The following POLR3B variants were observed in gnomAD, a reference collection of about 807,000 sequenced individuals.
POLR3B encodes DNA-directed RNA polymerase III subunit RPC2.
In POLR3B, 96 loss-of-function variants were observed where a neutral mutation model predicts 147.4. The ratio of observed to expected loss-of-function variants is 0.65; its 90% confidence interval spans 0.55 to 0.77. POLR3B has a LOEUF of 0.77. Among genes scored for constraint, POLR3B ranks in the 30% least tolerant of loss-of-function variants. POLR3B has a pLI of 0.00. For synonymous variants in POLR3B, 461 were observed against 485.9 expected (o/e 0.95, Z 0.67); for missense variants, 1,036 against 1,413.5 (o/e 0.73, Z 4.28).
At chr12:106,485,749 A>T (rs2038328970) in intron 23 of POLR3B, among the ~76,000 whole-genome samples, 1 of 152,114 alleles carries the variant, frequency 6.6e-6, no homozygotes, top group African/African-American at 2.4e-5. Context: ...AGAGGTTGAG[A>T]GTTTGGGCCT....
chr12:106,405,580 A>ACACACACACACACACACACAC (rs2037140566), intron 10 of POLR3B, among the ~76,000 whole-genome samples: 2 of 150,056 alleles, frequency 1.3e-5, no homozygotes, highest in Non-Finnish European at 1.5e-5. Context: ...ACACACACAC[A>ACACACACACACACACACACAC]AATATATTTT....
intron 2 of POLR3B, among the ~76,000 whole-genome samples, chr12:106,364,796 A>G (rs1042854889): frequency 6.6e-5 from 10 of 152,236 alleles, no homozygotes; most frequent in Non-Finnish European, 1.3e-4. Context: ...ACCCGCTGCA[A>G]CATGGACGAA....
intron 12 of POLR3B, among the ~76,000 whole-genome samples, chr12:106,420,024 G>A (rs1304477501): frequency 6.6e-6 from 1 of 152,034 alleles, no homozygotes; most frequent in African/African-American, 2.4e-5. Context: ...AGGTTGGTGG[G>A]AAGGGCTGGA....
intron 13 of POLR3B, among the ~76,000 whole-genome samples, chr12:106,429,708 A>G (rs1457050889): frequency 1.3e-5 from 2 of 152,182 alleles, no homozygotes; most frequent in Non-Finnish European, 2.9e-5. Context: ...ATATGAATAT[A>G]TGTACTATTT....
At chr12:106,451,109 A>G (rs952657418) in intron 19 of POLR3B, among the ~76,000 whole-genome samples, 2 of 152,164 alleles carry the variant, frequency 1.3e-5, no homozygotes, top group African/African-American at 4.8e-5. Context: ...AGAAAATGCA[A>G]ACTAATCTGT....
At chr12:106,482,345 A>G (rs1345057565) in intron 23 of POLR3B, among the ~76,000 whole-genome samples, 1 of 152,214 alleles carries the variant, frequency 6.6e-6, no homozygotes, top group African/African-American at 2.4e-5. Flanking sequence ...CTATAAAGAA[A>G]TACCTCAGAC....
At chr12:106,489,240 T>C (rs1180074026) in intron 23 of POLR3B, among the ~76,000 whole-genome samples, 1 of 152,242 alleles carries the variant, frequency 6.6e-6, no homozygotes. Flanking sequence ...CCTAAATCCT[T>C]AAGGACCAGA....
At position 106,365,751 on chromosome 12, in the gene POLR3B, CA is replaced by C. The variant is rs536993176; in HGVS notation, c.106-764del. Among the ~76,000 whole-genome samples the C allele has an allele frequency of 2.9e-3, 435 of 151,982 alleles. 3 individuals carry two copies. The highest frequency in any genetic ancestry group is 9.9e-3 in the African/African-American group (412 of 41,454). On this transcript the variant is annotated intron_variant, in intron 2 of 27. Transcript: ENST00000228347. ...GCGGGCACCTGTAATCCCAGCTACT[CA>C]GAAGGCTGAGGCACCTGAACTGCTT... is the stretch of plus-strand genomic sequence containing the variant.
At chr12:106,500,836 A>G (rs189215469) in intron 25 of POLR3B, among the ~76,000 whole-genome samples, 1 of 152,232 alleles carries the variant, frequency 6.6e-6, no homozygotes, top group Non-Finnish European at 1.5e-5. Flanking sequence ...CCATGTGGCC[A>G]TAATATAGAA....
chr12:106,485,793 T>C (rs1001747500), intron 23 of POLR3B, among the ~76,000 whole-genome samples: 17 of 152,132 alleles, frequency 1.1e-4, no homozygotes, highest in African/African-American at 3.9e-4. Context: ...AGTGAAGATA[T>C]AGGCTGGCAA....
At chr12:106,465,993 G>A (rs1436417930) in intron 23 of POLR3B, among the ~76,000 whole-genome samples, 1 of 152,152 alleles carries the variant, frequency 6.6e-6, no homozygotes, top group Non-Finnish European at 1.5e-5. Flanking sequence ...GGGTCAAATG[G>A]TATTTCTGGT....
chr12:106,419,794 C>T (rs893104641), intron 12 of POLR3B, among the ~76,000 whole-genome samples: 187 of 88,922 alleles, frequency 2.1e-3, no homozygotes, highest in Admixed American at 2.7e-3. Flanking sequence ...TTTAGTTTTG[C>T]TTTTTTTTTT....
At chr12:106,441,704 T>C (rs1214370512) in intron 18 of POLR3B, among the ~76,000 whole-genome samples, 1 of 152,230 alleles carries the variant, frequency 6.6e-6, no homozygotes, top group Non-Finnish European at 1.5e-5. Context: ...AATATTTAGG[T>C]AGTTTCCAAT....
At chr12:106,424,588 C>T (rs1477831567) in intron 12 of POLR3B, among the ~76,000 whole-genome samples, 2 of 151,946 alleles carry the variant, frequency 1.3e-5, no homozygotes, top group African/African-American at 4.8e-5. Context: ...AACATAATTT[C>T]CATGGGAAAG....
intron 9 of POLR3B, among the ~76,000 whole-genome samples, chr12:106,391,643 C>T (rs546714485): frequency 2.0e-5 from 3 of 152,272 alleles, no homozygotes; most frequent in Admixed American, 2.0e-4. Context: ...TCTGGTTTTT[C>T]ATTTATGCAA....
chr12:106,360,338 T>C (rs1417512224), intron 1 of POLR3B, among the ~76,000 whole-genome samples: 12 of 152,186 alleles, frequency 7.9e-5, no homozygotes, highest in Non-Finnish European at 1.8e-4. Flanking sequence ...AGTGCTTACT[T>C]CTCTAGTCTC....
rs570251100 is a variant in POLR3B at position 106,454,801 on chromosome 12, A to T, written c.2293+90A>T. The stretch of plus-strand genomic sequence containing the variant: ...ATGTAAAAATCACTTGGTTAATGTC[A>T]GTTTTAAGTTATTTGAATTTTATGA... On this transcript the variant is annotated intron_variant, in intron 20 of 27. Transcript: ENST00000228347. 2.1e-5 allele frequency: 16 copies of T among 757,884 alleles called. No homozygotes were observed. The South Asian group carries it at 2.3e-4, about 11-fold the overall frequency. 46.9% of individuals were successfully genotyped at this position (757,884 alleles called of 1,614,324 possible). A position where few individuals can be genotyped will look rare whatever the true frequency, so the allele number is the denominator to read the frequency against.
chr12:106,429,979 C>A (rs1198646759), intron 13 of POLR3B, among the ~76,000 whole-genome samples: 1 of 152,150 alleles, frequency 6.6e-6, no homozygotes, highest in African/African-American at 2.4e-5. Flanking sequence ...ACTGGCTCTT[C>A]ATTATAGAAT....
chr12:106,422,915 A>T (rs1359250746), intron 12 of POLR3B, among the ~76,000 whole-genome samples: 1 of 152,184 alleles, frequency 6.6e-6, no homozygotes, highest in Non-Finnish European at 1.5e-5. Context: ...GTAATCTTAA[A>T]ATATGTAGGC....
Sources: gnomAD v4.1 joint callset for allele counts (sites outside exome capture counted in the v4.1 genomes callset) on GRCh38, gnomAD v4.1.1 for gene constraint, MANE v1.5 for transcripts, NCBI Gene and HGNC (gene_info 2026-07-23, HGNC 2026-07-21) for gene names.